STXBP5L: variants seen among roughly 807,000 people sequenced by gnomAD.
STXBP5L encodes the protein syntaxin-binding protein 5-like.
STXBP5L carries 65 observed loss-of-function variants against 144.5 expected under a neutral mutation model. The ratio of observed to expected loss-of-function variants is 0.45; its 90% CI spans 0.37 to 0.55. The LOEUF (loss-of-function observed/expected upper bound fraction) is 0.55. STXBP5L is among the 20% of genes least tolerant of loss of function. The probability of loss-of-function intolerance (pLI) is 0.00; values close to 1 mark genes in which losing one functional copy is unlikely to be tolerated. For synonymous variants in STXBP5L, 505 were observed against 469.6 expected, an observed-to-expected ratio of 1.08 and a Z score of -0.97; for missense variants, 1,298 against 1,405.5, an observed-to-expected ratio of 0.92 and a Z score of 1.22.
chr3:121,005,326 A>G (rs978309169), intron 3 of STXBP5L, among the ~76,000 whole-genome samples: 1 of 152,106 alleles, frequency 6.6e-6, no homozygotes. Context: ...TAGATTTTCT[A>G]GTTTATTTGC....
At chr3:121,406,993 G>A (rs2047006708) in intron 22 of STXBP5L, among the ~76,000 whole-genome samples, 1 of 151,780 alleles carries the variant, frequency 6.6e-6, no homozygotes, top group Non-Finnish European at 1.5e-5. Context: ...TAATCTTTCT[G>A]GGTCTGTTTT....
intron 5 of STXBP5L, among the ~76,000 whole-genome samples, chr3:121,113,417 C>T (rs1255608232): frequency 6.6e-6 from 1 of 152,170 alleles, no homozygotes; most frequent in Non-Finnish European, 1.5e-5. Flanking sequence ...TTAAATATCT[C>T]TTGGCAACAG....
intron 20 of STXBP5L, among the ~76,000 whole-genome samples, chr3:121,345,311 C>T (rs2044913241): frequency 6.6e-6 from 1 of 152,084 alleles, no homozygotes; most frequent in Admixed American, 6.6e-5. Context: ...TTTCCAGCTT[C>T]ATCCATGTCC....
chr3:120,971,283 T>C (rs1490561253), intron 3 of STXBP5L, among the ~76,000 whole-genome samples: 1 of 152,082 alleles, frequency 6.6e-6, no homozygotes, highest in East Asian at 1.9e-4. Flanking sequence ...TACATGGATA[T>C]ATTGAGTAGT....
intron 3 of STXBP5L, among the ~76,000 whole-genome samples, chr3:121,029,284 A>G (rs1946188551): frequency 6.6e-6 from 1 of 152,192 alleles, no homozygotes; most frequent in African/African-American, 2.4e-5. Flanking sequence ...AAACTATACT[A>G]CAAGGCTTAC....
intron 5 of STXBP5L, among the ~76,000 whole-genome samples, chr3:121,046,443 ATTC>A (rs1947521658): frequency 6.6e-6 from 1 of 151,984 alleles, no homozygotes; most frequent in African/African-American, 2.4e-5. Flanking sequence ...GGTACAAGCT[ATTC>A]TTTATGCATC....
At chr3:121,021,091 T>C (rs1377889398) in intron 3 of STXBP5L, among the ~76,000 whole-genome samples, 2 of 151,906 alleles carry the variant, frequency 1.3e-5, no homozygotes, top group Admixed American at 1.3e-4. Flanking sequence ...TCCATGCAAC[T>C]GGACACCAGA....
In STXBP5L at chr3:121,097,331, C is replaced by T. The variant is rs573184136; in HGVS notation, c.471-17594C>T. Among the ~76,000 whole-genome samples, 5 of 152,262 alleles carry T rather than the reference C, an allele frequency of 3.3e-5. 1 individual carries two copies. In the South Asian group the frequency reaches 1.0e-3, roughly 32 times the overall value. The stretch of plus-strand genomic sequence containing the variant: ...CAGGGGAGTGAACGGTTCTGTCTTG[C>T]TGGCATTCCAGGAGCCACTGGGGTA... On this transcript the variant is annotated intron_variant, in intron 5 of 26. Coordinates refer to ENST00000471454, the MANE Select transcript of STXBP5L (RefSeq NM_001308330.2).
chr3:121,277,628 A>G (rs112483836), intron 18 of STXBP5L, among the ~76,000 whole-genome samples: 2,508 of 151,058 alleles, frequency 0.017, 29 homozygotes, highest in Middle Eastern at 0.048. Context: ...CTATTGAGCT[A>G]TTTTTTCCTC....
chr3:121,019,418 T>C (rs1283263785), intron 3 of STXBP5L, among the ~76,000 whole-genome samples: 1 of 152,224 alleles, frequency 6.6e-6, no homozygotes, highest in African/African-American at 2.4e-5. Flanking sequence ...CAACCGCAGC[T>C]GATGTGCTCT....
At chr3:121,085,758 T>C (rs1472629416) in intron 5 of STXBP5L, among the ~76,000 whole-genome samples, 2 of 152,218 alleles carry the variant, frequency 1.3e-5, no homozygotes, top group Non-Finnish European at 2.9e-5. Flanking sequence ...CTAAAGCAAT[T>C]TATAGATTCA....
intron 3 of STXBP5L, among the ~76,000 whole-genome samples, chr3:121,007,443 G>A (rs936257814): frequency 6.6e-6 from 1 of 151,920 alleles, no homozygotes; most frequent in African/African-American, 2.4e-5. Context: ...GGAAGAGTTT[G>A]TGTGAAATTA....
chr3:120,971,220 A>C (rs891417358), intron 3 of STXBP5L, among the ~76,000 whole-genome samples: 1 of 152,012 alleles, frequency 6.6e-6, no homozygotes, highest in Non-Finnish European at 1.5e-5. Context: ...TTGCTTTTAC[A>C]ATTTTATTTA....
At chr3:121,050,921 C>A (rs900641778) in intron 5 of STXBP5L, among the ~76,000 whole-genome samples, 1 of 152,092 alleles carries the variant, frequency 6.6e-6, no homozygotes, top group African/African-American at 2.4e-5. Flanking sequence ...CAAAAAAAAG[C>A]AGGGGTTGCA....
At chr3:121,272,971 A>C (rs894348485) in intron 18 of STXBP5L, among the ~76,000 whole-genome samples, 9 of 152,128 alleles carry the variant, frequency 5.9e-5, no homozygotes, top group Middle Eastern at 6.8e-3. Flanking sequence ...CAAAACAACA[A>C]AATATTATAC....
chr3:121,164,043 C>T (rs761535234), intron 9 of STXBP5L, among the ~76,000 whole-genome samples: 1 of 152,042 alleles, frequency 6.6e-6, no homozygotes, highest in Non-Finnish European at 1.5e-5. Flanking sequence ...TTCTTTTAAT[C>T]GTTTAATAAA....
At chr3:121,344,032 T>C (rs1024687108) in intron 20 of STXBP5L, among the ~76,000 whole-genome samples, 1 of 152,054 alleles carries the variant, frequency 6.6e-6, no homozygotes, top group African/African-American at 2.4e-5. Flanking sequence ...AACAGCATGG[T>C]ACTGGTACCA....
At chr3:121,185,731 TG>T (rs1198840782) in intron 9 of STXBP5L, among the ~76,000 whole-genome samples, 1 of 152,224 alleles carries the variant, frequency 6.6e-6, no homozygotes. Flanking sequence ...TCAGGTAGCA[TG>T]ATGCCTCCAG....
intron 18 of STXBP5L, among the ~76,000 whole-genome samples, chr3:121,266,309 C>A (rs1338145007): frequency 6.6e-6 from 1 of 152,186 alleles, no homozygotes; most frequent in African/African-American, 2.4e-5. Flanking sequence ...ACCTGGGATG[C>A]AAGGTTGCTT....
Sources: allele counts gnomAD v4.1 joint callset (sites outside exome capture counted in the v4.1 genomes callset), GRCh38; gene constraint gnomAD v4.1.1; transcripts MANE v1.5; gene names NCBI Gene and HGNC (gene_info 2026-07-23, HGNC 2026-07-21).